Variants in GPC6 observed in about 807,000 individuals in gnomAD.
GPC6 encodes the protein glypican-6.
In GPC6, 14 loss-of-function variants were observed where a neutral mutation model predicts 55.2. The observed-to-expected ratio is 0.25, with a 90% confidence interval of 0.17 to 0.40. GPC6 has a LOEUF of 0.40. Ranked by LOEUF, GPC6 falls within the 10% of genes least tolerant of loss-of-function variation. The pLI is 1.00. For missense variants in GPC6, 641 were observed against 708.5 expected, an observed-to-expected ratio of 0.90 and a Z score of 1.08; for synonymous variants, 278 against 259.6, an observed-to-expected ratio of 1.07 and a Z score of -0.68.
chr13:93,575,614 C>T (rs1876622848), intron 2 of GPC6, among the ~76,000 whole-genome samples: 1 of 152,150 alleles, frequency 6.6e-6, no homozygotes, highest in Non-Finnish European at 1.5e-5. Context: ...TCTTTTATTT[C>T]TCATCTCTAT....
chr13:93,658,594 A>T (rs917607387), intron 2 of GPC6, among the ~76,000 whole-genome samples: 2 of 151,236 alleles, frequency 1.3e-5, no homozygotes, highest in Non-Finnish European at 3.0e-5. Context: ...TTTATTTTTT[A>T]CCCTGTTAAT....
At chr13:93,894,152 T>C (rs1875858312) in intron 3 of GPC6, among the ~76,000 whole-genome samples, 1 of 152,246 alleles carries the variant, frequency 6.6e-6, no homozygotes, top group South Asian at 2.1e-4. Context: ...CATATGTTTT[T>C]CCCCAGATTT....
chr13:93,972,499 C>A (rs1257036145), intron 3 of GPC6, among the ~76,000 whole-genome samples: 1 of 152,020 alleles, frequency 6.6e-6, no homozygotes, highest in South Asian at 2.1e-4. Flanking sequence ...CTTTCAGGTT[C>A]CCCCCACTCC....
At chr13:93,443,339 G>A (rs1351159796) in intron 1 of GPC6, among the ~76,000 whole-genome samples, 1 of 152,026 alleles carries the variant, frequency 6.6e-6, no homozygotes, top group Admixed American at 6.6e-5. Context: ...AAAATATTTT[G>A]AGAAGCTAAT....
At chr13:93,871,487 A>C (rs1025730091) in intron 3 of GPC6, among the ~76,000 whole-genome samples, 1 of 151,964 alleles carries the variant, frequency 6.6e-6, no homozygotes, top group Non-Finnish European at 1.5e-5. Context: ...ATCTGTGCTC[A>C]TCGTCTTTTC....
chr13:93,445,980 G>A (rs12867304), intron 1 of GPC6, among the ~76,000 whole-genome samples: 10,355 of 152,110 alleles, frequency 0.068, 489 homozygotes, highest in Non-Finnish European at 0.096. Context: ...TGAAGGAAAC[G>A]GATAAAAAGG....
At position 94,215,645 on chromosome 13, in the gene GPC6, T is replaced by C. The variant is rs536424483; in HGVS notation, c.878-70704T>C. ...AGGGATCCAAGCTTTCAATAAGAAT[T>C]ACCAGGACTTTAAAGTTACAAAACT... is the stretch of plus-strand genomic sequence containing the variant. On this transcript the variant is annotated intron_variant, in intron 4 of 8. Coordinates refer to ENST00000377047, the MANE Select transcript of GPC6 (RefSeq NM_005708.5). Among the ~76,000 whole-genome samples the C allele has an allele frequency of 7.9e-5, 12 of 152,180 alleles. No individual in the cohort carries two copies. In the East Asian group the frequency reaches 2.3e-3, roughly 29 times the overall value.
chr13:94,329,378 A>G (rs1296919067), intron 6 of GPC6, among the ~76,000 whole-genome samples: 1 of 152,082 alleles, frequency 6.6e-6, no homozygotes, highest in Non-Finnish European at 1.5e-5. Context: ...ACCTCGAAGG[A>G]TGTCGTTCCC....
intron 2 of GPC6, among the ~76,000 whole-genome samples, chr13:93,800,047 C>G (rs1345417230): frequency 6.6e-6 from 1 of 152,126 alleles, no homozygotes; most frequent in Non-Finnish European, 1.5e-5. Flanking sequence ...TCCATTAACA[C>G]GATTTACATT....
At chr13:93,479,809 A>T (rs1048606437) in intron 1 of GPC6, among the ~76,000 whole-genome samples, 3 of 152,222 alleles carry the variant, frequency 2.0e-5, no homozygotes, top group Admixed American at 6.5e-5. Flanking sequence ...AAGGCTGAAA[A>T]TTGTGAGTAA....
chr13:94,103,966 T>C (rs1314744591), intron 4 of GPC6, among the ~76,000 whole-genome samples: 1 of 152,204 alleles, frequency 6.6e-6, no homozygotes, highest in Admixed American at 6.5e-5. Flanking sequence ...TCCATGCCTA[T>C]GTCCTGAATG....
At chr13:93,767,245 A>G (rs554780339) in intron 2 of GPC6, among the ~76,000 whole-genome samples, 1 of 152,296 alleles carries the variant, frequency 6.6e-6, no homozygotes, top group African/African-American at 2.4e-5. Flanking sequence ...GGACTTACTT[A>G]GAGTTGCTAT....
intron 1 of GPC6, among the ~76,000 whole-genome samples, chr13:93,531,842 C>A (rs192437636): frequency 7.2e-4 from 109 of 152,276 alleles, no homozygotes; most frequent in Non-Finnish European, 1.2e-3. Flanking sequence ...CACACAACTT[C>A]TCAAGCCCTA....
At chr13:94,142,828 CTT>C (rs766504929) in intron 4 of GPC6, among the ~76,000 whole-genome samples, 1 of 145,590 alleles carries the variant, frequency 6.9e-6, no homozygotes. Context: ...TGGACGGCTA[CTT>C]TTTTTTTTTT....
At chr13:93,455,478 C>T (rs1024258048) in intron 1 of GPC6, among the ~76,000 whole-genome samples, 5 of 151,936 alleles carry the variant, frequency 3.3e-5, no homozygotes, top group South Asian at 2.1e-4. Context: ...TCCATGTCAC[C>T]TGCCTGTCTC....
At chr13:93,835,293 A>G (rs570063510) in intron 3 of GPC6, among the ~76,000 whole-genome samples, 13 of 152,216 alleles carry the variant, frequency 8.5e-5, no homozygotes, top group Admixed American at 7.8e-4. Context: ...TATCTCTACA[A>G]AAAATACAAA....
rs1252878115 is a variant in GPC6 at position 93,609,625 on chromosome 13, TGATTG to T, written c.319+64205_319+64209del. 2.6e-5 allele frequency among the ~76,000 whole-genome samples: 4 copies of T among 152,336 alleles called. No homozygotes were observed. The East Asian group carries it at 7.7e-4, about 29-fold the overall frequency. ...CCCCACTGTTTTTGGTTTTGCTGCC[TGATTG>T]ATCTCCTAAAAATTCCTATGTGACT... On this transcript the variant is annotated intron_variant, in intron 2 of 8. Coordinates refer to ENST00000377047, the MANE Select transcript of GPC6 (RefSeq NM_005708.5).
chr13:93,357,568 G>A (rs766164630), intron 1 of GPC6, among the ~76,000 whole-genome samples: 28 of 152,126 alleles, frequency 1.8e-4, no homozygotes, highest in African/African-American at 5.3e-4. Context: ...ATAATTGGCC[G>A]GGTATGGTGG....
intron 4 of GPC6, among the ~76,000 whole-genome samples, chr13:94,164,314 C>G (rs745397138): frequency 9.9e-5 from 15 of 152,132 alleles, no homozygotes; most frequent in Non-Finnish European, 1.9e-4. Context: ...GACTCATCAC[C>G]TTTATTTTTT....
Sources: allele counts gnomAD v4.1 joint callset (sites outside exome capture counted in the v4.1 genomes callset), GRCh38; gene constraint gnomAD v4.1.1; transcripts MANE v1.5; gene names NCBI Gene and HGNC (gene_info 2026-07-23, HGNC 2026-07-21).